CNTN5: variants seen among roughly 807,000 people sequenced by gnomAD.
The protein encoded by CNTN5 is contactin-5.
Under a neutral mutation model 129.1 loss-of-function variants are expected in CNTN5, and 77 were observed. The observed-to-expected ratio is 0.60, with a 90% CI of 0.50 to 0.72. The LOEUF is 0.72. Ranked by LOEUF, CNTN5 falls within the 30% of genes least tolerant of loss-of-function variation. CNTN5 has a pLI of 0.00. For synonymous variants in CNTN5, 509 were observed against 465.6 expected, an observed-to-expected ratio of 1.09 and a Z score of -1.20; for missense variants, 1,478 against 1,328.8, an observed-to-expected ratio of 1.11 and a Z score of -1.75.
At chr11:100,299,500 A>C in intron 20 of CNTN5, 104 bp downstream of exon 20, 4 of 651,728 alleles carry the variant, frequency 6.1e-6, no homozygotes, top group Non-Finnish European at 9.4e-6. Flanking sequence ...AAGGCAAAAT[A>C]AACTCATTCA....
chr11:100,265,905 G>A (rs1375421159), intron 17 of CNTN5, among the ~76,000 whole-genome samples: 4 of 152,114 alleles, frequency 2.6e-5, no homozygotes, highest in South Asian at 2.1e-4. Flanking sequence ...AGCATTAGCT[G>A]ACATAGTTTT....
chr11:99,078,348 G>A (rs1251354146), intron 1 of CNTN5, among the ~76,000 whole-genome samples: 1 of 152,150 alleles, frequency 6.6e-6, no homozygotes, highest in Non-Finnish European at 1.5e-5. Context: ...AATGTGTACA[G>A]GTACTATGGA....
At chr11:99,514,639 T>C (rs1004918552) in intron 2 of CNTN5, among the ~76,000 whole-genome samples, 3 of 152,110 alleles carry the variant, frequency 2.0e-5, no homozygotes, top group Non-Finnish European at 4.4e-5. Context: ...CAGATGATGG[T>C]TAGCATATTG....
At chr11:99,128,134 C>T (rs757702799) in intron 1 of CNTN5, among the ~76,000 whole-genome samples, 2 of 152,192 alleles carry the variant, frequency 1.3e-5, no homozygotes, top group Non-Finnish European at 2.9e-5. Context: ...GAGAGCCAAA[C>T]ATCCTCACTC....
chr11:99,609,084 G>C (rs1003839343), intron 3 of CNTN5, among the ~76,000 whole-genome samples: 1 of 152,132 alleles, frequency 6.6e-6, no homozygotes, highest in Admixed American at 6.6e-5. Context: ...AAATGACGTG[G>C]TTATGACAGA....
intron 21 of CNTN5, among the ~76,000 whole-genome samples, chr11:100,334,096 G>A (rs1951972451): frequency 1.3e-5 from 2 of 151,850 alleles, no homozygotes; most frequent in East Asian, 1.9e-4. Flanking sequence ...GAAAATAAAC[G>A]ATCCCATCAA....
intron 2 of CNTN5, among the ~76,000 whole-genome samples, chr11:99,439,028 G>T (rs917768407): frequency 2.6e-5 from 4 of 152,130 alleles, no homozygotes; most frequent in Non-Finnish European, 5.9e-5. Flanking sequence ...AAAAATAGAA[G>T]AAAATGGGTT....
intron 2 of CNTN5, among the ~76,000 whole-genome samples, chr11:99,455,879 A>T (rs1591088850): frequency 6.6e-6 from 1 of 152,074 alleles, no homozygotes; most frequent in East Asian, 1.9e-4. Context: ...TGTGATCTTT[A>T]TTCGTTAGTC....
intron 1 of CNTN5, among the ~76,000 whole-genome samples, chr11:99,260,242 G>A (rs1247084902): frequency 1.3e-5 from 2 of 151,602 alleles, no homozygotes; most frequent in African/African-American, 4.8e-5. Flanking sequence ...GGGGATGTAT[G>A]TAAACTGCCT....
chr11:99,964,615 TTC>T (rs1401173676), intron 8 of CNTN5, among the ~76,000 whole-genome samples: 1 of 150,042 alleles, frequency 6.7e-6, no homozygotes, highest in Admixed American at 6.9e-5. Flanking sequence ...TGGTCTAAAA[TTC>T]TCTTTTTTTT....
intron 16 of CNTN5, among the ~76,000 whole-genome samples, chr11:100,240,093 C>T (rs886831067): frequency 1.3e-5 from 2 of 152,148 alleles, no homozygotes; most frequent in Non-Finnish European, 2.9e-5. Context: ...AAAACTTCAG[C>T]TCACAGATGT....
At chr11:99,956,198 A>G (rs1188593753) in intron 7 of CNTN5, among the ~76,000 whole-genome samples, 1 of 152,174 alleles carries the variant, frequency 6.6e-6, no homozygotes, top group African/African-American at 2.4e-5. Flanking sequence ...ATGAATTTTA[A>G]AAATGAACCT....
intron 9 of CNTN5, among the ~76,000 whole-genome samples, chr11:100,049,336 G>A (rs551476349): frequency 2.0e-5 from 3 of 151,790 alleles, no homozygotes; most frequent in Admixed American, 1.3e-4. Flanking sequence ...GATTCATATC[G>A]CAAACTTTAA....
chr11:99,138,637 G>C (rs1859356060), intron 1 of CNTN5, among the ~76,000 whole-genome samples: 2 of 152,222 alleles, frequency 1.3e-5, no homozygotes, highest in East Asian at 1.9e-4. Context: ...TGTATAATGA[G>C]ATTTTGAAAC....
intron 2 of CNTN5, among the ~76,000 whole-genome samples, chr11:99,514,981 A>T (rs1327583252): frequency 6.6e-6 from 1 of 152,040 alleles, no homozygotes. Flanking sequence ...TAGCTTTTTA[A>T]AAAACGATGT....
intron 2 of CNTN5, among the ~76,000 whole-genome samples, chr11:99,343,041 A>G (rs1227257189): frequency 2.0e-5 from 3 of 152,228 alleles, no homozygotes; most frequent in Non-Finnish European, 4.4e-5. Context: ...CTATCATTCA[A>G]TAGTTGTGAA....
At chr11:99,547,659 C>A (rs1484500122) in intron 2 of CNTN5, among the ~76,000 whole-genome samples, 1 of 152,120 alleles carries the variant, frequency 6.6e-6, no homozygotes, top group Non-Finnish European at 1.5e-5. Context: ...TATCCTCCTT[C>A]TGAGTAATAC....
chr11:99,781,144 G>A (rs1591161527), intron 3 of CNTN5, among the ~76,000 whole-genome samples: 1 of 152,090 alleles, frequency 6.6e-6, no homozygotes, highest in South Asian at 2.1e-4. Context: ...GAATCAAATA[G>A]CACACACACA....
In CNTN5 at chr11:100,208,988, G is replaced by C. The variant is rs1175905865; in HGVS notation, c.1884+15325G>C. ...TCTGCAGCAGGCTAGTCCAAGCTAT[G>C]TCGCGTGGTTATCACAGAATTTCAA... On this transcript the variant is annotated intron_variant, in intron 15 of 24. Coordinates refer to ENST00000524871, the MANE Select transcript of CNTN5 (RefSeq NM_014361.4). 2.0e-5 allele frequency among the ~76,000 whole-genome samples: 3 copies of C among 152,156 alleles called. No individual in the cohort carries two copies. The East Asian group carries it at 5.8e-4, about 29-fold the overall frequency.
Sources: allele counts gnomAD v4.1 joint callset (sites outside exome capture counted in the v4.1 genomes callset), GRCh38; gene constraint gnomAD v4.1.1; transcripts MANE v1.5; gene names NCBI Gene and HGNC (gene_info 2026-07-23, HGNC 2026-07-21).